DGKZ: variants seen among roughly 807,000 people sequenced by gnomAD.
DGKZ encodes the protein DAG kinase zeta.
Under a neutral mutation model 142.5 loss-of-function variants are expected in DGKZ, and 45 were observed. The observed-to-expected ratio is 0.32, with a 90% confidence interval of 0.25 to 0.40. The LOEUF is 0.40. Ranked by LOEUF, DGKZ falls within the 10% of genes least tolerant of loss-of-function variation. The pLI, the probability that DGKZ is intolerant of heterozygous loss-of-function variation, is 1.00. For synonymous variants in DGKZ, 442 were observed against 527.0 expected (o/e 0.84, Z 2.21); for missense variants, 755 against 1,306.5 (o/e 0.58, Z 6.51).
chr11:46,379,174 C>T, intron 28 of DGKZ, 29 bp from the exon 29 acceptor site: 1 of 1,612,670 alleles, frequency 6.2e-7, no homozygotes, highest in South Asian at 1.1e-5. Flanking sequence ...GCTGCCAGGC[C>T]TCTCTGACCA....
exon 8 of DGKZ, chr11:46,371,514 C>T: frequency 6.2e-7 from 1 of 1,608,630 alleles, no homozygotes; most frequent in Non-Finnish European, 8.5e-7. Context: ...CTGCTTCATG[C>T]TGCAGCAGAT....
At chr11:46,374,691 G>T (rs1296425682) in intron 17 of DGKZ, 25 bp downstream of exon 17, 1 of 1,606,954 alleles carries the variant, frequency 6.2e-7, no homozygotes, top group South Asian at 1.1e-5. Context: ...GCTGCCGTGG[G>T]TGGGTGGGCC....
chr11:46,370,129 C>A, intron 6 of DGKZ, 120 bp downstream of exon 6: 1 of 1,270,400 alleles, frequency 7.9e-7, no homozygotes. Flanking sequence ...CGGGGCTGAC[C>A]CTCAGCCTGG....
intron 27 of DGKZ, 104 bp from the exon 28 acceptor site, chr11:46,378,887 G>C: frequency 6.8e-7 from 1 of 1,462,560 alleles, no homozygotes; most frequent in Non-Finnish European, 9.0e-7. Flanking sequence ...GAGCGCACTC[G>C]TTTCAGGCCT....
chr11:46,359,798 A>C (rs1312418207), intron 1 of DGKZ, among the ~76,000 whole-genome samples: 4 of 86,476 alleles, frequency 4.6e-5, no homozygotes, highest in Non-Finnish European at 9.6e-5. Context: ...TTGTATTGTT[A>C]GTAGAGACGG....
rs11820791 is a variant in DGKZ at position 46,366,333 on chromosome 11, T to C, written c.162-958T>C. The C allele has an allele frequency of 2.9e-3, 4,594 of 1,563,082 alleles. 129 individuals carry two copies. The African/African-American group carries it at 0.053, about 18-fold the overall frequency. ...GAGGGGCAGCAGCGGCCCAGCAGCG[T>C]GGGGCTGCCCACAGGCAAGGCCCGG... On this transcript the variant is annotated intron_variant, in intron 1 of 30. Coordinates refer to ENST00000527911, the Ensembl canonical transcript of DGKZ.
rs75189595 is a variant in DGKZ at position 46,341,688 on chromosome 11, C to T, written c.212+8201C>T. On this transcript the variant is annotated intron_variant, in intron 1 of 30. Coordinates refer to the DGKZ transcript ENST00000343674. ...GGCTCTTTCTACCTTCCCACTTTTG[C>T]TGCTTGGGCTGGGTCTGAAGGATGG... 5.3e-4 allele frequency among the ~76,000 whole-genome samples: 80 copies of T among 152,250 alleles called. 1 individual carries two copies. In the East Asian group the frequency reaches 0.013, roughly 24 times the overall value.
At chr11:46,366,853 T>C in intron 1 of DGKZ, 1 of 1,546,280 alleles carries the variant, frequency 6.5e-7, no homozygotes, top group Non-Finnish European at 8.7e-7. Context: ...ACCCTGGCCC[T>C]GGGGGCCGAA....
exon 14 of DGKZ, chr11:46,373,056 C>G: frequency 6.5e-7 from 1 of 1,543,452 alleles, no homozygotes; most frequent in Non-Finnish European, 8.7e-7. Context: ...CTGAGCCCAA[C>G]CCCGAGGCAG....
Position 46,379,588 on chromosome 11 carries a change from GGAGCCCAC to G in DGKZ, c.2688+24_2688+31del. Reference sequence around the variant, plus strand: ...CAGCAGGTGAGCAGACGGCAGGCAGGGAGCCCACGAGGGCACCAACCAAACCTTTCCCA... The same window carrying G: ...CAGCAGGTGAGCAGACGGCAGGCAGGGAGGGCACCAACCAAACCTTTCCCA... On this transcript the variant is annotated intron_variant, in intron 30 of 30. Transcript: ENST00000527911. 6.3e-7 allele frequency: 1 copy of G among 1,590,188 alleles called. No homozygotes were observed. The highest frequency in any genetic ancestry group is 8.6e-7 in the Non-Finnish European group (1 of 1,167,954).
chr11:46,369,952 A>G, exon 6 of DGKZ: 1 of 1,613,628 alleles, frequency 6.2e-7, no homozygotes. Context: ...CAACCTTTGT[A>G]CGGCACCACT....
chr11:46,380,434 A>G (rs1462955193), downstream of DGKZ: 1 of 140,820 alleles, frequency 7.1e-6, no homozygotes, highest in Non-Finnish European at 1.5e-5. Flanking sequence ...CGCTCCGGCG[A>G]CCCTCCCCGC....
At chr11:46,336,002 C>T (rs998340106) in intron 1 of DGKZ, among the ~76,000 whole-genome samples, 1 of 152,216 alleles carries the variant, frequency 6.6e-6, no homozygotes, top group Non-Finnish European at 1.5e-5. Context: ...AAACCTCCTA[C>T]CCTGCTGTGC....
rs765524529 is a variant in DGKZ at position 46,374,754 on chromosome 11, G to A, written c.1525-12G>A. 17 of 1,609,126 alleles carry A rather than the reference G, an allele frequency of 1.1e-5. No homozygotes were observed. The highest frequency in any genetic ancestry group is 5.3e-5 in the African/African-American group (4 of 74,828). On this transcript the variant is annotated splice_polypyrimidine_tract_variant and intron_variant, in intron 17 of 30. Transcript: ENST00000527911. ...GCACATGCACCTCAACACCCTCCCC[G>A]CCCGCCTCCAGTGTGATGGAATGGA...
chr11:46,345,347 GC>G (rs554550354), upstream of DGKZ: 69 of 1,388,798 alleles, frequency 5.0e-5, no homozygotes, highest in Admixed American at 5.5e-4. The surrounding 1 kb of genome is among the most constrained non-coding windows in gnomAD (Gnocchi z 4.1). Context: ...CCTCTAGCAG[GC>G]CCCCCCCTCG....
intron 4 of DGKZ, 128 bp from the exon 5 acceptor site, chr11:46,369,366 C>T (rs1590573557): frequency 9.3e-7 from 1 of 1,073,534 alleles, no homozygotes; most frequent in Non-Finnish European, 1.4e-6. Context: ...GTTTCAAGGA[C>T]TCTCGTGACG....
chr11:46,350,476 C>T (rs1396953071), intron 1 of DGKZ, among the ~76,000 whole-genome samples: 1 of 152,158 alleles, frequency 6.6e-6, no homozygotes, highest in African/African-American at 2.4e-5. Flanking sequence ...CCCAGTCATC[C>T]ACCCCATGTC....
chr11:46,350,780 T>G (rs1324779549), intron 1 of DGKZ, among the ~76,000 whole-genome samples: 4 of 151,950 alleles, frequency 2.6e-5, no homozygotes, highest in Non-Finnish European at 5.9e-5. Context: ...AAGAGGCTTT[T>G]CCTTAAAGTC....
intron 1 of DGKZ, among the ~76,000 whole-genome samples, chr11:46,337,372 T>A (rs1940064765): frequency 6.9e-6 from 1 of 144,918 alleles, no homozygotes; most frequent in South Asian, 2.3e-4. Flanking sequence ...CTTGGTTCAC[T>A]GCAACTGCCA....
Sources: allele counts gnomAD v4.1 joint callset (sites outside exome capture counted in the v4.1 genomes callset), GRCh38; gene constraint gnomAD v4.1.1; non-coding constraint Gnocchi (gnomAD v3.1); transcripts MANE v1.5; gene names NCBI Gene and HGNC (gene_info 2026-07-23, HGNC 2026-07-21).